COL5A2: variants seen among roughly 807,000 people sequenced by gnomAD.
COL5A2 encodes collagen alpha-2(V) chain.
A neutral mutation model predicts 208.2 loss-of-function variants in COL5A2; 23 were observed. The ratio of observed to expected loss-of-function variants is 0.11; its 90% CI spans 0.08 to 0.16. COL5A2 has a LOEUF of 0.16. COL5A2 is among the 10% of genes least tolerant of loss of function. COL5A2 has a pLI of 1.00. For synonymous variants in COL5A2, 625 were observed against 628.5 expected (o/e 0.99, Z 0.08); for missense variants, 1,590 against 1,956.4 (o/e 0.81, Z 3.53).
chr2:189,172,735 A>AATATAGTT (rs1210288398), intron 1 of COL5A2, among the ~76,000 whole-genome samples: 8 of 152,132 alleles, frequency 5.3e-5, no homozygotes, highest in African/African-American at 1.9e-4. Context: ...TTCCACCAAT[A>AATATAGTT]ATATAGTTTG....
At chr2:189,145,914 G>T (rs145085675) in intron 1 of COL5A2, among the ~76,000 whole-genome samples, 1 of 152,012 alleles carries the variant, frequency 6.6e-6, no homozygotes, top group Admixed American at 6.6e-5. Context: ...AGTGGAGTTT[G>T]CCATGTACAT....
At chr2:189,093,982 C>T (rs1468569805) in intron 6 of COL5A2, among the ~76,000 whole-genome samples, 1 of 152,172 alleles carries the variant, frequency 6.6e-6, no homozygotes, top group Non-Finnish European at 1.5e-5. Context: ...AATGCATAAT[C>T]TCTGCTCCCA....
intron 1 of COL5A2, among the ~76,000 whole-genome samples, chr2:189,219,381 T>C (rs1369598915): frequency 6.6e-6 from 1 of 152,180 alleles, no homozygotes; most frequent in East Asian, 1.9e-4. Flanking sequence ...TCAAACTTAT[T>C]ATTTATTTTT....
chr2:189,261,239 C>T, the COL5A2 span, among the ~76,000 whole-genome samples: 1 of 152,124 alleles, frequency 6.6e-6, no homozygotes, highest in African/African-American at 2.4e-5. Flanking sequence ...AACCATCAAG[C>T]TGTTGCCATC....
At position 189,046,148 on chromosome 2, in the gene COL5A2, G is replaced by A. The variant is rs112046414; in HGVS notation, c.3202-241C>T. ...TTCCCTCACCTACTCCCTATTGCTC[G>A]CACGTCAAGATCATTGGAGTATAGG... is the stretch of plus-strand genomic sequence containing the variant. On this transcript the variant is annotated intron_variant, in intron 45 of 53. Transcript: ENST00000374866. Among the ~76,000 whole-genome samples, 117 of 151,714 alleles carry A rather than the reference G, an allele frequency of 7.7e-4. 1 individual carries two copies. Among genetic ancestry groups the A allele is most frequent in the African/African-American group, 2.7e-3 (111 of 41,314 alleles).
the COL5A2 span, among the ~76,000 whole-genome samples, chr2:189,270,540 G>C: frequency 4.6e-5 from 7 of 152,132 alleles, no homozygotes; most frequent in African/African-American, 1.7e-4. Context: ...GCAGTTTGGA[G>C]TGAGTTTCTT....
the COL5A2 span, among the ~76,000 whole-genome samples, chr2:189,340,040 G>A: frequency 6.6e-6 from 1 of 152,132 alleles, no homozygotes; most frequent in African/African-American, 2.4e-5. Context: ...CTTTCTGACT[G>A]CTTCATGCTG....
At chr2:189,315,409 A>G in the COL5A2 span, among the ~76,000 whole-genome samples, 3 of 152,304 alleles carry the variant, frequency 2.0e-5, no homozygotes, top group Non-Finnish European at 4.4e-5. Context: ...ATTCCCTATA[A>G]CTAGGTATTG....
At chr2:189,250,502 A>C in the COL5A2 span, among the ~76,000 whole-genome samples, 1 of 152,178 alleles carries the variant, frequency 6.6e-6, no homozygotes, top group African/African-American at 2.4e-5. Context: ...CTTTAGCTAG[A>C]ATCTTCAATA....
rs1283456923 is a variant in COL5A2, at chr2:189,184,990, C to T, written c.-42+40158G>A. On this transcript the variant is annotated intron_variant, in intron 1 of 10. Transcript: ENST00000649966. Reference sequence around the variant, plus strand: ...TAAATGCAATGAGAAATCAACAAAGCGTTGTTATACAAACAAATGGCATAC... The same window carrying T: ...TAAATGCAATGAGAAATCAACAAAGTGTTGTTATACAAACAAATGGCATAC... Among the ~76,000 whole-genome samples, 5 of 151,716 alleles carry T rather than the reference C, an allele frequency of 3.3e-5. No homozygotes were observed. In the East Asian group the frequency reaches 7.7e-4, roughly 23 times the overall value.
Position 189,053,519 on chromosome 2 carries a change from C to T in COL5A2, c.2500-42G>A, listed in dbSNP as rs1469655613. The stretch of plus-strand genomic sequence containing the variant: ...ATTACTGTAGCTTTCACACATTATC[C>T]TAAACAGGAACAGTATTTTAAAATA... On this transcript the variant is annotated intron_variant, in intron 37 of 53. Transcript: ENST00000374866. 6 of 1,497,302 alleles carry T rather than the reference C, an allele frequency of 4.0e-6. No individual in the cohort carries two copies. In the Admixed American group the frequency reaches 1.0e-4, roughly 25 times the overall value. 92.8% of individuals were successfully genotyped at this position (1,497,302 alleles called of 1,614,324 possible).
intron 50 of COL5A2, 69 bp downstream of exon 50, chr2:189,041,517 C>A (rs1037610328): frequency 1.6e-6 from 2 of 1,254,910 alleles, no homozygotes; most frequent in Admixed American, 1.7e-5. Context: ...GCTGCACAGA[C>A]ATTTCTTGGA....
At chr2:189,150,467 A>G (rs1317244791) in intron 1 of COL5A2, among the ~76,000 whole-genome samples, 4 of 152,178 alleles carry the variant, frequency 2.6e-5, no homozygotes, top group Admixed American at 6.6e-5. Context: ...TCTCTTGGAC[A>G]TGCTAATTTT....
At chr2:189,151,749 C>G (rs190970828) in intron 1 of COL5A2, among the ~76,000 whole-genome samples, 4 of 152,292 alleles carry the variant, frequency 2.6e-5, no homozygotes, top group East Asian at 1.9e-4. Context: ...TCTTAAAACT[C>G]TGCTGTAATG....
At chr2:189,227,972 A>G (rs964292645), upstream of COL5A2, among the ~76,000 whole-genome samples, 4 of 152,000 alleles carry the variant, frequency 2.6e-5, no homozygotes, top group East Asian at 1.9e-4. Flanking sequence ...TTGAAATCAT[A>G]TAGGTATCTC....
chr2:189,332,914 A>C, the COL5A2 span, among the ~76,000 whole-genome samples: 1 of 152,182 alleles, frequency 6.6e-6, no homozygotes, highest in East Asian at 1.9e-4. Flanking sequence ...ATCTACAATT[A>C]ATGTAAAAAT....
chr2:189,354,275 T>A, the COL5A2 span, among the ~76,000 whole-genome samples: 2 of 152,118 alleles, frequency 1.3e-5, no homozygotes, highest in Non-Finnish European at 2.9e-5. Flanking sequence ...GTTTTGCTAT[T>A]AGGATAATGC....
intron 1 of COL5A2, among the ~76,000 whole-genome samples, chr2:189,167,621 T>G (rs912821683): frequency 6.7e-6 from 1 of 148,150 alleles, no homozygotes; most frequent in East Asian, 2.0e-4. Flanking sequence ...TCAACAATTA[T>G]CAAAACTTAA....
the COL5A2 span, among the ~76,000 whole-genome samples, chr2:189,431,106 T>C: frequency 2.0e-5 from 3 of 152,188 alleles, no homozygotes; most frequent in Non-Finnish European, 4.4e-5. Context: ...CTGAGGTACC[T>C]ATTAGAAGGA....
Sources: allele counts gnomAD v4.1 joint callset (sites outside exome capture counted in the v4.1 genomes callset), GRCh38; gene constraint gnomAD v4.1.1; transcripts MANE v1.5; gene names NCBI Gene and HGNC (gene_info 2026-07-23, HGNC 2026-07-21).